The following TFDP2 variants were observed in gnomAD, a reference collection of about 807,000 sequenced individuals.
TFDP2 encodes transcription factor Dp-2 (E2F dimerization partner 2).
In TFDP2, 17 loss-of-function variants were observed where a neutral mutation model predicts 59.3. The ratio of observed to expected loss-of-function variants is 0.29; its 90% CI spans 0.20 to 0.43. TFDP2 has a LOEUF of 0.43. Among genes scored for constraint, TFDP2 ranks in the 20% least tolerant of loss-of-function variants. The pLI is 1.00. For synonymous variants in TFDP2, 180 were observed against 194.7 expected, an observed-to-expected ratio of 0.92 and a Z score of 0.63; for missense variants, 391 against 528.8, an observed-to-expected ratio of 0.74 and a Z score of 2.56.
chr3:141,959,743 T>G lies in TFDP2; in HGVS notation c.982A>C (p.Lys328Gln), dbSNP rs1442548297. 5 of 1,614,204 alleles carry G rather than the reference T, an allele frequency of 3.1e-6. No individual in the cohort carries two copies. The highest frequency in any genetic ancestry group is 4.2e-6 in the Non-Finnish European group (5 of 1,180,034). Residue 328 changes from lysine (K) to glutamine (Q), a missense_variant, in exon 11 of 13, where the codon AAA becomes CAA. Physicochemically the swap from Lys to Gln is moderately conservative, Grantham distance 53. This residue lies in a region of TFDP2 where 223 missense variants were observed against 292.5 expected (regional missense o/e 0.76). Transcript: ENST00000489671. ...AGTTTCAGATCCTCCAGAGAGCATT[T>G]GCCTGACTCCAGGCCAAACGACATT... is the stretch of plus-strand genomic sequence containing the variant. ...MGMSFGLESG[K>Q]CSLEDLKLAK...
intron 3 of TFDP2, among the ~76,000 whole-genome samples, chr3:142,007,320 G>T (rs986430696): frequency 7.6e-6 from 1 of 131,798 alleles, no homozygotes; most frequent in South Asian, 2.3e-4. Context: ...GTTCTCACTC[G>T]ATATATGACT....
At chr3:141,959,935 AATCCAGCTATAGT>A in intron 10 of TFDP2, 95 bp from the exon 11 acceptor site, 3 of 1,244,558 alleles carry the variant, frequency 2.4e-6, no homozygotes, top group Non-Finnish European at 3.4e-6. Context: ...TGGGGGCCTA[AATCCAGCTATAGT>A]GCTAGAAATT....
At position 141,952,402 on chromosome 3, in the gene TFDP2, AAC is replaced by A; in HGVS notation, c.*109_*110del. The A allele has an allele frequency of 9.7e-7, 1 of 1,031,906 alleles. No homozygotes were observed. Among genetic ancestry groups the A allele is most frequent in the Non-Finnish European group, 1.4e-6 (1 of 734,774 alleles). The allele number at this position is 1,031,906 out of a possible 1,614,324, so 63.9% of individuals were successfully genotyped here. A position where few individuals can be genotyped will look rare whatever the true frequency, so the allele number is the denominator to read the frequency against. On this transcript the variant is annotated 3_prime_UTR_variant, in exon 13 of 13. Transcript: ENST00000489671. ...TATTGTGTTTCTCTAGTTTTCACTG[AAC>A]ACACAGTGCAAACAAAGGCAAAGAC...
chr3:142,012,017 T>TTC (rs1372222013), intron 3 of TFDP2, among the ~76,000 whole-genome samples: 1 of 146,666 alleles, frequency 6.8e-6, no homozygotes, highest in African/African-American at 2.5e-5. Context: ...CTTTCTTTCT[T>TTC]TTTTTTTTTT....
At chr3:142,025,024 GA>G (rs10589827) in intron 3 of TFDP2, among the ~76,000 whole-genome samples, 113,881 of 144,542 alleles carry the variant, frequency 0.79, 44,675 homozygotes, top group South Asian at 0.85. Flanking sequence ...CTGTCTCAAA[GA>G]AAAAAAAAAA....
chr3:141,998,416 C>A (rs1943475405), intron 4 of TFDP2, among the ~76,000 whole-genome samples: 1 of 151,946 alleles, frequency 6.6e-6, no homozygotes, highest in African/African-American at 2.4e-5. Flanking sequence ...GAGTTCGAGA[C>A]CAGCCTGGCC....
chr3:141,968,530 A>C (rs1938709335), intron 9 of TFDP2, among the ~76,000 whole-genome samples: 1 of 102,864 alleles, frequency 9.7e-6, no homozygotes, highest in Non-Finnish European at 1.8e-5. Flanking sequence ...ATATATATAG[A>C]TATATATAAC....
intron 3 of TFDP2, among the ~76,000 whole-genome samples, chr3:142,040,430 T>C (rs892094056): frequency 1.6e-5 from 2 of 124,544 alleles, no homozygotes; most frequent in Non-Finnish European, 3.7e-5. Flanking sequence ...TCTCTACAAA[T>C]TTTTTTTTTT....
chr3:142,008,596 C>T (rs1944399827), intron 3 of TFDP2, among the ~76,000 whole-genome samples: 1 of 152,134 alleles, frequency 6.6e-6, no homozygotes, highest in Non-Finnish European at 1.5e-5. Flanking sequence ...GAGCCAACTC[C>T]TACCTACTAG....
At chr3:142,118,581 C>A (rs2061926796) in intron 1 of TFDP2, among the ~76,000 whole-genome samples, 1 of 152,006 alleles carries the variant, frequency 6.6e-6, no homozygotes, top group African/African-American at 2.4e-5. Context: ...AAAGGAACAT[C>A]ATATAAGAAA....
chr3:141,995,173 C>A, intron 4 of TFDP2, 32 bp from the exon 5 acceptor site: 1 of 1,498,964 alleles, frequency 6.7e-7, no homozygotes, highest in Non-Finnish European at 8.9e-7. Flanking sequence ...ATATAATATT[C>A]TTAATTATTA....
intron 3 of TFDP2, among the ~76,000 whole-genome samples, chr3:142,018,375 C>T (rs1487272114): frequency 6.6e-6 from 1 of 152,122 alleles, no homozygotes; most frequent in African/African-American, 2.4e-5. Flanking sequence ...TTTCTTTACC[C>T]ACATTACTTG....
intron 3 of TFDP2, among the ~76,000 whole-genome samples, chr3:142,073,272 C>CAT (rs2060310851): frequency 6.6e-6 from 1 of 152,036 alleles, no homozygotes; most frequent in African/African-American, 2.4e-5. Flanking sequence ...AGGGTCTCAC[C>CAT]ATATTGCCCA....
At chr3:142,017,754 T>C (rs1345013688) in intron 3 of TFDP2, among the ~76,000 whole-genome samples, 3 of 151,794 alleles carry the variant, frequency 2.0e-5, no homozygotes, top group Non-Finnish European at 4.4e-5. Flanking sequence ...GGTTTCACCA[T>C]GTTGGTCAGG....
intron 9 of TFDP2, among the ~76,000 whole-genome samples, chr3:141,968,347 TATATATAACATATATCTC>T (rs1424568767): frequency 2.8e-4 from 30 of 107,392 alleles, no homozygotes; most frequent in East Asian, 2.5e-3. Flanking sequence ...AATATATAAC[TATATATAACATATATCTC>T]ATATATAACA....
rs1209597305 is a variant in TFDP2, at chr3:141,955,839, G to A, written c.1052-2823C>T. ...TTCTTTTTTTAAAAGACAGAGTCTC[G>A]CTCTGTTGCCCAGGCTGGAGTGCAG... On this transcript the variant is annotated intron_variant, in intron 11 of 12. Coordinates refer to ENST00000489671, the MANE Select transcript of TFDP2 (RefSeq NM_001178139.2). Among the ~76,000 whole-genome samples, 8 of 152,042 alleles carry A rather than the reference G, an allele frequency of 5.3e-5. No individual in the cohort carries two copies. In the South Asian group the frequency reaches 8.3e-4, roughly 16 times the overall value.
At chr3:141,973,334 C>T (rs983997453) in intron 8 of TFDP2, among the ~76,000 whole-genome samples, 15 of 151,794 alleles carry the variant, frequency 9.9e-5, no homozygotes, top group Admixed American at 2.0e-4. Context: ...CCACCTCGGC[C>T]TCCCAAAGTG....
At chr3:142,066,689 G>A (rs923456173) in intron 3 of TFDP2, among the ~76,000 whole-genome samples, 2 of 152,080 alleles carry the variant, frequency 1.3e-5, no homozygotes, top group African/African-American at 4.8e-5. Flanking sequence ...TCTAACTTCA[G>A]CTGGTTCCTT....
At chr3:142,116,064 CTT>C (rs200540799) in intron 1 of TFDP2, among the ~76,000 whole-genome samples, 9 of 144,656 alleles carry the variant, frequency 6.2e-5, no homozygotes, top group African/African-American at 5.1e-5. Flanking sequence ...CATTTTGCAA[CTT>C]TTTTTTTTTT....
Sources: allele counts gnomAD v4.1 joint callset (sites outside exome capture counted in the v4.1 genomes callset), GRCh38; gene constraint gnomAD v4.1.1; regional missense constraint gnomAD v4.1.1; transcripts MANE v1.5; gene names NCBI Gene and HGNC (gene_info 2026-07-23, HGNC 2026-07-21).